HS3ST4: variants seen among roughly 807,000 people sequenced by gnomAD.
HS3ST4 encodes heparan sulfate-glucosamine 3-sulfotransferase 4.
HS3ST4 carries 17 observed loss-of-function variants against 29.2 expected under a neutral mutation model. The ratio of observed to expected loss-of-function variants is 0.58; its 90% CI spans 0.40 to 0.87. HS3ST4 has a LOEUF of 0.87. Ranked by LOEUF, HS3ST4 falls within the 40% of genes least tolerant of loss-of-function variation. The probability of loss-of-function intolerance (pLI) is 0.00; values close to 1 mark genes in which losing one functional copy is unlikely to be tolerated. For missense variants in HS3ST4, 627 were observed against 634.5 expected (o/e 0.99, Z 0.13); for synonymous variants, 314 against 285.7 (o/e 1.10, Z -1.00).
chr16:25,719,687 T>C (rs1049640490), intron 1 of HS3ST4, among the ~76,000 whole-genome samples: 14 of 152,152 alleles, frequency 9.2e-5, no homozygotes, highest in African/African-American at 3.4e-4. Context: ...GAAGAAAGAG[T>C]AGAGGAAAAG....
At chr16:25,996,425 C>T (rs1969159714) in intron 1 of HS3ST4, among the ~76,000 whole-genome samples, 1 of 152,044 alleles carries the variant, frequency 6.6e-6, no homozygotes. Context: ...TTTTCCTTTA[C>T]ATTTAGATTT....
At chr16:25,969,288 G>A (rs1968873573) in intron 1 of HS3ST4, among the ~76,000 whole-genome samples, 1 of 152,170 alleles carries the variant, frequency 6.6e-6, no homozygotes, top group Admixed American at 6.5e-5. Flanking sequence ...AGTGTTTTTG[G>A]AGCAAAACAT....
chr16:25,842,735 A>G (rs1178220038), intron 1 of HS3ST4, among the ~76,000 whole-genome samples: 2 of 152,180 alleles, frequency 1.3e-5, no homozygotes, highest in African/African-American at 4.8e-5. Flanking sequence ...CTTTATAGGT[A>G]TCTGATCCTA....
At chr16:25,931,847 C>G (rs1045609303) in intron 1 of HS3ST4, among the ~76,000 whole-genome samples, 1 of 152,116 alleles carries the variant, frequency 6.6e-6, no homozygotes, top group African/African-American at 2.4e-5. Flanking sequence ...GCTGCTCCTG[C>G]TATTCCTTCA....
intron 1 of HS3ST4, among the ~76,000 whole-genome samples, chr16:25,901,369 A>G (rs1427017129): frequency 2.6e-5 from 4 of 152,162 alleles, no homozygotes; most frequent in Admixed American, 2.0e-4. Flanking sequence ...TTCAGCAACC[A>G]TTCTTAAAAT....
intron 1 of HS3ST4, among the ~76,000 whole-genome samples, chr16:25,982,023 C>T (rs1012527783): frequency 1.6e-5 from 2 of 127,938 alleles, no homozygotes; most frequent in Admixed American, 1.6e-4. Context: ...TGTATATTCA[C>T]ATACTGAGAC....
chr16:25,995,175 T>C, intron 1 of HS3ST4, among the ~76,000 whole-genome samples: 1 of 152,212 alleles, frequency 6.6e-6, no homozygotes, highest in South Asian at 2.1e-4. Flanking sequence ...GCCTTCATCT[T>C]GGCTTTATCA....
chr16:25,700,330 C>T (rs1480123869), intron 1 of HS3ST4, among the ~76,000 whole-genome samples: 1 of 152,046 alleles, frequency 6.6e-6, no homozygotes, highest in East Asian at 1.9e-4. Context: ...TGCCACTTGC[C>T]CCGGGTAAGT....
At position 25,978,129 on chromosome 16, in the gene HS3ST4, C is replaced by T. The variant is rs189273358; in HGVS notation, c.735-157483C>T. ...CAACGTTTTTGACACAAAATGGGTA[C>T]TAAGCCTGGTAGCTACTAACTGTAC... is the stretch of plus-strand genomic sequence containing the variant. On this transcript the variant is annotated intron_variant, in intron 1 of 1. Transcript: ENST00000331351. Among the ~76,000 whole-genome samples the T allele has an allele frequency of 2.6e-5, 4 of 152,298 alleles. No homozygotes were observed. In the East Asian group the frequency reaches 7.7e-4, roughly 29 times the overall value.
chr16:26,064,541 C>A (rs1898519649), intron 1 of HS3ST4, among the ~76,000 whole-genome samples: 1 of 149,848 alleles, frequency 6.7e-6, no homozygotes, highest in Non-Finnish European at 1.5e-5. Flanking sequence ...CAGAGTAGTT[C>A]AGATAGATTT....
chr16:25,775,471 A>G (rs1443242429), intron 1 of HS3ST4, among the ~76,000 whole-genome samples: 1 of 152,138 alleles, frequency 6.6e-6, no homozygotes, highest in Admixed American at 6.5e-5. Context: ...TTGGCCCGTT[A>G]AGTACAAAGT....
At chr16:25,753,743 G>T (rs1455329386) in intron 1 of HS3ST4, among the ~76,000 whole-genome samples, 1 of 152,090 alleles carries the variant, frequency 6.6e-6, no homozygotes, top group African/African-American at 2.4e-5. Flanking sequence ...CTTATTCCCA[G>T]TGTTGTCTTT....
intron 1 of HS3ST4, among the ~76,000 whole-genome samples, chr16:25,976,152 G>A (rs1244250665): frequency 6.6e-6 from 1 of 152,164 alleles, no homozygotes; most frequent in African/African-American, 2.4e-5. Flanking sequence ...CATTTGTCCA[G>A]TATTAATTAG....
intron 1 of HS3ST4, among the ~76,000 whole-genome samples, chr16:25,961,595 C>T (rs1407097243): frequency 6.6e-6 from 1 of 152,162 alleles, no homozygotes; most frequent in Non-Finnish European, 1.5e-5. Context: ...AATAACTATA[C>T]AGAGTGGGTT....
At chr16:26,014,490 C>T (rs1297117820) in intron 1 of HS3ST4, among the ~76,000 whole-genome samples, 1 of 152,158 alleles carries the variant, frequency 6.6e-6, no homozygotes, top group Non-Finnish European at 1.5e-5. Context: ...TCACACCCTC[C>T]TCTGACTCTC....
chr16:25,870,146 C>G (rs1259321877), intron 1 of HS3ST4, among the ~76,000 whole-genome samples: 1 of 152,056 alleles, frequency 6.6e-6, no homozygotes, highest in Non-Finnish European at 1.5e-5. Flanking sequence ...TCTACTCATC[C>G]ATCCATCTAT....
At chr16:25,746,123 A>G (rs893196813) in intron 1 of HS3ST4, among the ~76,000 whole-genome samples, 7 of 152,226 alleles carry the variant, frequency 4.6e-5, no homozygotes, top group African/African-American at 1.4e-4. Flanking sequence ...AGTCTTCTCA[A>G]TTAGACTATG....
At chr16:25,757,322 T>A (rs957115908) in intron 1 of HS3ST4, among the ~76,000 whole-genome samples, 2 of 152,176 alleles carry the variant, frequency 1.3e-5, no homozygotes, top group Non-Finnish European at 2.9e-5. Context: ...TTTAAAAACC[T>A]TGGTTCAAGT....
rs141861668 is a variant in HS3ST4 at position 25,850,283 on chromosome 16, C to T, written c.734+157132C>T. On this transcript the variant is annotated intron_variant, in intron 1 of 1. Transcript: ENST00000331351. ...GATTACAGGCGTGAGCCACTGTGCC[C>T]GGCCCCTATTTTTTTAAACACTCAC... Among the ~76,000 whole-genome samples the T allele has an allele frequency of 4.0e-3, 614 of 152,222 alleles. 6 individuals carry two copies. Among genetic ancestry groups the T allele is most frequent in the African/African-American group, 0.014 (582 of 41,530 alleles).
Sources: gnomAD v4.1 joint callset for allele counts (sites outside exome capture counted in the v4.1 genomes callset) on GRCh38, gnomAD v4.1.1 for gene constraint, MANE v1.5 for transcripts, NCBI Gene and HGNC (gene_info 2026-07-23, HGNC 2026-07-21) for gene names.